The following TRPC1 variants were observed in gnomAD, a reference collection of about 807,000 sequenced individuals.
TRPC1 encodes transient receptor potential cation channel subfamily C member 1.
In TRPC1, 42 loss-of-function variants were observed where a neutral mutation model predicts 88.2. That is an observed-to-expected ratio of 0.48 (90% confidence interval 0.37 to 0.62). TRPC1 has a LOEUF of 0.62. Ranked by LOEUF, TRPC1 falls within the 20% of genes least tolerant of loss-of-function variation. The pLI is 0.00. For synonymous variants in TRPC1, 288 were observed against 331.8 expected (o/e 0.87, Z 1.43); for missense variants, 699 against 957.3 (o/e 0.73, Z 3.56).
At chr3:142,778,578 G>T (rs536058200) in intron 5 of TRPC1, among the ~76,000 whole-genome samples, 3 of 152,236 alleles carry the variant, frequency 2.0e-5, no homozygotes, top group African/African-American at 7.2e-5. Context: ...TCTAAAGAAG[G>T]AGGAATTGAT....
chr3:142,772,255 C>T (rs145372757), intron 4 of TRPC1, among the ~76,000 whole-genome samples: 32 of 151,966 alleles, frequency 2.1e-4, no homozygotes, highest in African/African-American at 7.5e-4. Context: ...TTTTCTTTTC[C>T]TTTTTCTTTT....
At chr3:142,728,357 G>A (rs1227490679) in intron 1 of TRPC1, among the ~76,000 whole-genome samples, 1 of 149,810 alleles carries the variant, frequency 6.7e-6, no homozygotes, top group East Asian at 2.0e-4. Flanking sequence ...TTTTGAGATG[G>A]AGTTTCTCTT....
Position 142,760,758 on chromosome 3 carries a change from A to T in TRPC1, c.632+12298A>T, listed in dbSNP as rs1935154583. Among the ~76,000 whole-genome samples, 4 of 151,924 alleles carry T rather than the reference A, an allele frequency of 2.6e-5. No homozygotes were observed. In the South Asian group the frequency reaches 6.2e-4, roughly 24 times the overall value. On this transcript the variant is annotated intron_variant, in intron 4 of 12. Coordinates refer to ENST00000476941, the MANE Select transcript of TRPC1 (RefSeq NM_001251845.2). ...TTTGGTGACCTCTTCTATTTTTTTC[A>T]TCAGAGTTTTATGGTCTTCCTTGCC...
chr3:142,737,952 C>G (rs959667058), intron 2 of TRPC1, among the ~76,000 whole-genome samples: 6 of 152,026 alleles, frequency 3.9e-5, no homozygotes, highest in Admixed American at 3.9e-4. Context: ...CTTCAGTTAC[C>G]TAGAAAATAA....
chr3:142,800,965 C>T (rs1250796454), intron 9 of TRPC1, among the ~76,000 whole-genome samples: 2 of 151,234 alleles, frequency 1.3e-5, no homozygotes, highest in Non-Finnish European at 2.9e-5. Context: ...TAGATATATG[C>T]CCTTCCATAG....
chr3:142,805,127 TATACACACACACACACACAC>T (rs1319540819), intron 12 of TRPC1, among the ~76,000 whole-genome samples: 1 of 120,394 alleles, frequency 8.3e-6, no homozygotes, highest in African/African-American at 3.2e-5. Context: ...CAAATATATA[TATACACACACACACACACAC>T]ACACACACAC....
chr3:142,795,106 G>A (rs1467478115), intron 9 of TRPC1, among the ~76,000 whole-genome samples: 1 of 152,020 alleles, frequency 6.6e-6, no homozygotes, highest in Non-Finnish European at 1.5e-5. Flanking sequence ...TGACAGGTTA[G>A]ACCTTGTAGA....
At chr3:142,782,606 C>T (rs1935997439) in intron 6 of TRPC1, among the ~76,000 whole-genome samples, 1 of 152,194 alleles carries the variant, frequency 6.6e-6, no homozygotes, top group Admixed American at 6.5e-5. Flanking sequence ...TCTGGGAACT[C>T]ATCTGGAGAT....
chr3:142,776,852 G>A lies in TRPC1; in HGVS notation c.633-780G>A, dbSNP rs776986428. ...AGGGAGTCGGAGGTTGCGGTGAGCCGAGATCGTGCCATTGCACTCCGGTCT... is the reference window on the plus strand; with the variant it reads ...AGGGAGTCGGAGGTTGCGGTGAGCCAAGATCGTGCCATTGCACTCCGGTCT... On this transcript the variant is annotated intron_variant, in intron 4 of 12. Coordinates refer to ENST00000476941, the MANE Select transcript of TRPC1 (RefSeq NM_001251845.2). This position sits in a 1 kb window ranked among gnomAD's most constrained non-coding sequence, Gnocchi z 4.1. 2.6e-5 allele frequency among the ~76,000 whole-genome samples: 4 copies of A among 151,536 alleles called. No individual in the cohort carries two copies. Among genetic ancestry groups the A allele is most frequent in the African/African-American group, 9.7e-5 (4 of 41,274 alleles).
At chr3:142,727,512 G>A (rs1933732261) in intron 1 of TRPC1, among the ~76,000 whole-genome samples, 1 of 152,136 alleles carries the variant, frequency 6.6e-6, no homozygotes, top group African/African-American at 2.4e-5. Flanking sequence ...AAGTAAGTTC[G>A]GTAGATTTAG....
chr3:142,744,233 A>G (rs1217627067), intron 3 of TRPC1, among the ~76,000 whole-genome samples: 1 of 152,140 alleles, frequency 6.6e-6, no homozygotes, highest in African/African-American at 2.4e-5. Flanking sequence ...TAAACTTACC[A>G]AATTTACTTA....
rs10049098 is a variant in TRPC1 at position 142,776,843 on chromosome 3, C to T, written c.633-789C>T. 0.029 allele frequency among the ~76,000 whole-genome samples: 4,402 copies of T among 150,638 alleles called. 230 individuals carry two copies. Among genetic ancestry groups the T allele is most frequent in the African/African-American group, 0.1 (4,193 of 40,924 alleles). On this transcript the variant is annotated intron_variant, in intron 4 of 12. Transcript: ENST00000476941. This position sits in a 1 kb window ranked among gnomAD's most constrained non-coding sequence, Gnocchi z 4.1. ...ACTTGAACCAGGGAGTCGGAGGTTG[C>T]GGTGAGCCGAGATCGTGCCATTGCA... is the stretch of plus-strand genomic sequence containing the variant.
chr3:142,771,524 C>T (rs1272336984), intron 4 of TRPC1, among the ~76,000 whole-genome samples: 1 of 152,080 alleles, frequency 6.6e-6, no homozygotes, highest in African/African-American at 2.4e-5. Context: ...AATGTTACTC[C>T]TATACATCTG....
rs545831745 is a variant in TRPC1, at chr3:142,743,147, G to GC, written c.328-338_328-337insC. Among the ~76,000 whole-genome samples the GC allele has an allele frequency of 3.6e-3, 539 of 151,576 alleles. 2 individuals are homozygous for GC. Among genetic ancestry groups the GC allele is most frequent in the African/African-American group, 0.012 (516 of 41,370 alleles). ...AGATTTGGATTGTTAAGATTCTTTT[G>GC]GTCCACAGTTCAAGAGTAAGGATCT... is the stretch of plus-strand genomic sequence containing the variant. On this transcript the variant is annotated intron_variant, in intron 2 of 12. Transcript: ENST00000476941.
chr3:142,792,956 G>T lies in TRPC1; in HGVS notation c.1570G>T (p.Gly524Cys). Residue 524 changes from glycine (G) to cysteine (C), a missense_variant, in exon 9 of 13, where the codon GGT (glycine) becomes TGT (cysteine). Physicochemically the swap from Gly to Cys is radical, Grantham distance 159 (BLOSUM62 -3). Around this residue, in one of 4 missense-constraint regions of TRPC1, gnomAD observed 426 missense variants for 641.3 expected, o/e 0.66. Transcript: ENST00000476941. The surrounding 1 kb of genome is among the most constrained non-coding windows in gnomAD (Gnocchi z 4.0). ...TATGTATACAACCAGCTCTATCTTG[G>T]GTCCATTACAGGTAAATAATTAAAA... ...FFMYTTSSIL[G>C]PLQISMGQML... 1 of 1,579,858 alleles carries T rather than the reference G, an allele frequency of 6.3e-7. No individual in the cohort carries two copies. Among genetic ancestry groups the T allele is most frequent in the African/African-American group, 1.4e-5 (1 of 72,376 alleles).
chr3:142,773,527 G>A (rs1349148206), intron 4 of TRPC1, among the ~76,000 whole-genome samples: 1 of 150,884 alleles, frequency 6.6e-6, no homozygotes, highest in East Asian at 1.9e-4. Context: ...CAGGCCGGAT[G>A]CAGTGGCTTA....
At chr3:142,761,026 A>C (rs1280493362) in intron 4 of TRPC1, among the ~76,000 whole-genome samples, 1 of 152,074 alleles carries the variant, frequency 6.6e-6, no homozygotes, top group Non-Finnish European at 1.5e-5. Context: ...AGATCATGTC[A>C]TCTGAGAACA....
At chr3:142,742,953 A>C (rs1010469547) in intron 2 of TRPC1, among the ~76,000 whole-genome samples, 2 of 152,150 alleles carry the variant, frequency 1.3e-5, no homozygotes, top group Admixed American at 6.5e-5. Context: ...TTGCTCATAA[A>C]TGTCAAATTT....
chr3:142,793,695 T>C (rs1235915286), intron 9 of TRPC1: 1 of 337,090 alleles, frequency 3.0e-6, no homozygotes, highest in Non-Finnish European at 4.2e-6. Flanking sequence ...CTCTGCTAGC[T>C]CTATGTAATA....
Sources: allele counts gnomAD v4.1 joint callset (sites outside exome capture counted in the v4.1 genomes callset), GRCh38; gene constraint gnomAD v4.1.1; regional missense constraint gnomAD v4.1.1; non-coding constraint Gnocchi (gnomAD v3.1); transcripts MANE v1.5; gene names NCBI Gene and HGNC (gene_info 2026-07-23, HGNC 2026-07-21).